Variants in PECR observed in about 807,000 individuals in gnomAD.
PECR encodes the protein 2,4-dienoyl-CoA reductase-related protein.
Under a neutral mutation model 35.3 loss-of-function variants are expected in PECR, and 30 were observed. The observed-to-expected ratio is 0.85, with a 90% CI of 0.64 to 1.15. The LOEUF (loss-of-function observed/expected upper bound fraction) is 1.15, where lower values mean the gene tolerates loss of function less well. Ranked by LOEUF, PECR falls within the 50% of genes most tolerant of loss-of-function variation. PECR has a pLI of 0.00. For synonymous variants in PECR, 148 were observed against 138.9 expected, an observed-to-expected ratio of 1.07 and a Z score of -0.46; for missense variants, 392 against 370.8, an observed-to-expected ratio of 1.06 and a Z score of -0.47.
At chr2:216,051,345 C>T (rs896775153) in intron 5 of PECR, 104 bp downstream of exon 5, 1 of 640,362 alleles carries the variant, frequency 1.6e-6, no homozygotes, top group Non-Finnish European at 2.9e-6. Flanking sequence ...TAAAGTCAAT[C>T]TTTTATGCTA....
intron 7 of PECR, among the ~76,000 whole-genome samples, chr2:216,030,172 T>C (rs1449632978): frequency 6.6e-6 from 1 of 152,220 alleles, no homozygotes; most frequent in Admixed American, 6.5e-5. Flanking sequence ...TGTAAAAATA[T>C]AGATTATTGG....
rs1371976375 is a variant in PECR, at chr2:216,031,550, AGAGGGAGGGAGG to A, written c.*440+7629_*440+7640del. Among the ~76,000 whole-genome samples, 13 of 148,538 alleles carry A rather than the reference AGAGGGAGGGAGG, an allele frequency of 8.8e-5. No homozygotes were observed. The South Asian group carries it at 8.8e-4, about 10-fold the overall frequency. On this transcript the variant is annotated intron_variant and NMD_transcript_variant, in intron 7 of 7. Coordinates refer to the PECR transcript ENST00000442122. ...AGAAAAGAAAGAAGGAAGGAAGGAA[AGAGGGAGGGAGG>A]GAAGGAAGGAAGGAAAGAAAGAAGG...
At chr2:216,053,209 A>G (rs1231217153) in intron 4 of PECR, among the ~76,000 whole-genome samples, 1 of 151,060 alleles carries the variant, frequency 6.6e-6, no homozygotes, top group African/African-American at 2.4e-5. Flanking sequence ...TGGAACCAGA[A>G]GTGCTTTGGA....
intron 7 of PECR, 90 bp from the exon 8 acceptor site, chr2:216,039,450 C>A: frequency 1.3e-6 from 1 of 799,462 alleles, no homozygotes; most frequent in South Asian, 1.3e-5. Context: ...TTCCCTGGTT[C>A]ACACATTTTC....
At chr2:216,048,381 T>C (rs1695037230) in intron 6 of PECR, among the ~76,000 whole-genome samples, 3 of 92,548 alleles carry the variant, frequency 3.2e-5, no homozygotes, top group East Asian at 3.1e-4. Flanking sequence ...GGCCTTGTTT[T>C]CTTAAAAAAA....
At chr2:216,070,566 C>T (rs1223661047) in intron 1 of PECR, among the ~76,000 whole-genome samples, 3 of 152,132 alleles carry the variant, frequency 2.0e-5, no homozygotes, top group African/African-American at 2.4e-5. Flanking sequence ...CTATTTGAGA[C>T]GGTCATTACG....
At chr2:216,065,731 G>A (rs1185333636) in intron 2 of PECR, among the ~76,000 whole-genome samples, 1 of 152,214 alleles carries the variant, frequency 6.6e-6, no homozygotes, top group East Asian at 1.9e-4. Flanking sequence ...CCAAGGGCCT[G>A]GAACACCCTT....
rs149743429 is a variant in PECR at position 216,049,318 on chromosome 2, A to G, written c.659T>C (p.Phe220Ser). The change falls in exon 6 of 8, where the codon TTC becomes TCC. Residue 220 changes from phenylalanine (F) to serine (S), a missense_variant. Physicochemically the swap from Phe to Ser is radical, Grantham distance 155 (BLOSUM62 -2). Coordinates refer to ENST00000265322, the MANE Select transcript of PECR (RefSeq NM_018441.6). ...VENYGSWGQS[F>S]FEGSFQKIPA... ...GATTTTCTGAAAAGACCCTTCAAAG[A>G]AGCTTTGTCCCCAGGAACCATAGTT... 1.9e-6 allele frequency: 3 copies of G among 1,606,162 alleles called. No homozygotes were observed. Among genetic ancestry groups the G allele is most frequent in the Non-Finnish European group, 2.6e-6 (3 of 1,172,784 alleles).
At chr2:216,081,557 G>A in intron 1 of PECR, 61 bp downstream of exon 1, 1 of 1,607,576 alleles carries the variant, frequency 6.2e-7, no homozygotes, top group Non-Finnish European at 8.5e-7. Flanking sequence ...CCTGGCTCCC[G>A]TCTCCAGGTT....
At chr2:216,060,378 C>T (rs1695312762) in intron 3 of PECR, among the ~76,000 whole-genome samples, 1 of 152,052 alleles carries the variant, frequency 6.6e-6, no homozygotes, top group Non-Finnish European at 1.5e-5. Context: ...AAAATCATTC[C>T]CGGCTAGGAG....
intron 3 of PECR, among the ~76,000 whole-genome samples, chr2:216,059,587 C>G (rs377434257): frequency 1.3e-5 from 2 of 152,172 alleles, no homozygotes; most frequent in African/African-American, 2.4e-5. Flanking sequence ...TTTAAAGAAA[C>G]TGCCAAATGG....
Position 216,065,478 on chromosome 2 carries a change from C to T in PECR, c.259-1G>A. ...AGGTAGATTTGACCAAATTATTCAC[C>T]TAAAGAAGAACAGTAGAAGTTACTA... On this transcript the variant is annotated splice_acceptor_variant, in intron 2 of 7. Coordinates refer to ENST00000265322, the MANE Select transcript of PECR (RefSeq NM_018441.6). LOFTEE classifies it high-confidence loss of function. The T allele has an allele frequency of 1.3e-6, 2 of 1,577,678 alleles. No homozygotes were observed. The highest frequency in any genetic ancestry group is 1.7e-6 in the Non-Finnish European group (2 of 1,146,914).
chr2:216,077,678 G>A (rs1303993339), intron 1 of PECR, among the ~76,000 whole-genome samples: 1 of 151,754 alleles, frequency 6.6e-6, no homozygotes, highest in African/African-American at 2.4e-5. Flanking sequence ...ATGGTGGCAT[G>A]TGCCTGTAAT....
chr2:216,073,571 G>A (rs1695626610), intron 1 of PECR, among the ~76,000 whole-genome samples: 1 of 151,664 alleles, frequency 6.6e-6, no homozygotes, highest in African/African-American at 2.4e-5. Flanking sequence ...CTATACAGGT[G>A]TACCATTTTT....
intron 1 of PECR, among the ~76,000 whole-genome samples, chr2:216,068,994 T>A (rs376571125): frequency 1.3e-5 from 2 of 152,128 alleles, no homozygotes; most frequent in African/African-American, 4.8e-5. Context: ...GATTCCCTCC[T>A]TCTCCTTGAG....
At chr2:216,030,320 C>T (rs898839501) in intron 7 of PECR, among the ~76,000 whole-genome samples, 1 of 152,164 alleles carries the variant, frequency 6.6e-6, no homozygotes, top group Non-Finnish European at 1.5e-5. Context: ...GGCTCTGAAG[C>T]CAAACTCCTT....
At chr2:216,065,548 T>C (rs1478396080) in intron 2 of PECR, 71 bp from the exon 3 acceptor site, 3 of 909,998 alleles carry the variant, frequency 3.3e-6, no homozygotes, top group East Asian at 4.9e-5. Flanking sequence ...GCCTGATTGA[T>C]TGCTCTAGAC....
At chr2:216,052,724 G>A (rs766388825) in intron 4 of PECR, among the ~76,000 whole-genome samples, 3 of 152,076 alleles carry the variant, frequency 2.0e-5, no homozygotes, top group East Asian at 3.9e-4. Context: ...GAGCTTCTTC[G>A]ATCTATAGGT....
At chr2:216,049,864 G>A (rs1002705967) in intron 5 of PECR, among the ~76,000 whole-genome samples, 2 of 152,166 alleles carry the variant, frequency 1.3e-5, no homozygotes, top group African/African-American at 4.8e-5. Context: ...ATTTTTCATT[G>A]TTTAGGAATT....
Sources: gnomAD v4.1 joint callset for allele counts (sites outside exome capture counted in the v4.1 genomes callset) on GRCh38, gnomAD v4.1.1 for gene constraint, MANE v1.5 for transcripts, NCBI Gene and HGNC (gene_info 2026-07-23, HGNC 2026-07-21) for gene names.